Variants in ALG1L2 observed in about 807,000 individuals in gnomAD.
The protein encoded by ALG1L2 is ALG1 chitobiosyldiphosphodolichol beta-mannosyltransferase like 2.
Under a neutral mutation model 29.0 loss-of-function variants are expected in ALG1L2, and 32 were observed. That is an observed-to-expected ratio of 1.10 (90% CI 0.83 to 1.48). The LOEUF (loss-of-function observed/expected upper bound fraction) is 1.48. Ranked by LOEUF, ALG1L2 falls within the 40% of genes most tolerant of loss-of-function variation. The pLI, the probability that ALG1L2 is intolerant of heterozygous loss-of-function variation, is 0.00. For missense variants in ALG1L2, 318 were observed against 274.1 expected (o/e 1.16, Z -1.13); for synonymous variants, 110 against 109.5 (o/e 1.00, Z -0.03).
chr3:130,097,762 A>C (rs1231688775), intron 7 of ALG1L2, among the ~76,000 whole-genome samples: 1 of 152,228 alleles, frequency 6.6e-6, no homozygotes, highest in Non-Finnish European at 1.5e-5. Context: ...GTGTGAAAGT[A>C]GCCACAGATC....
intron 7 of ALG1L2, among the ~76,000 whole-genome samples, chr3:130,097,612 G>C (rs955487139): frequency 1.3e-5 from 2 of 152,196 alleles, no homozygotes; most frequent in Non-Finnish European, 2.9e-5. Context: ...TTCTGCAAAG[G>C]TTACTTGTTT....
chr3:130,096,192 G>A (rs2587972), intron 6 of ALG1L2, 29 bp downstream of exon 6: 13 of 1,606,486 alleles, frequency 8.1e-6, no homozygotes, highest in Admixed American at 5.1e-5. Context: ...TTTTTTCTGG[G>A]GATAGCTTCA....
Position 130,083,349 on chromosome 3 carries a change from C to A in ALG1L2, c.20+1313C>A, listed in dbSNP as rs536819968. ...ATCCCAGCTACTCAGGAGGCTAAGG[C>A]AGGAGAATGGTCTGAACCCGGGAGG... On this transcript the variant is annotated intron_variant, in intron 1 of 7. Transcript: ENST00000425059. Among the ~76,000 whole-genome samples, 8 of 129,572 alleles carry A rather than the reference C, an allele frequency of 6.2e-5. 1 individual carries two copies. Among genetic ancestry groups the A allele is most frequent in the Admixed American group, 4.1e-4 (5 of 12,208 alleles). 85.0% of individuals were successfully genotyped at this position (129,572 alleles called of 152,430 possible). A position where few individuals can be genotyped will look rare whatever the true frequency, so the allele number is the denominator to read the frequency against.
At position 130,097,207 on chromosome 3, in the gene ALG1L2, G is replaced by T. The variant is rs369951555; in HGVS notation, c.572G>T (p.Arg191Leu). 6.2e-7 allele frequency: 1 copy of T among 1,611,710 alleles called. No homozygotes were observed. The highest frequency in any genetic ancestry group is 2.2e-5 in the East Asian group (1 of 44,882). Residue 191 changes from arginine to leucine, a missense_variant, in exon 7 of 8, where the codon CGC (arginine) becomes CTC (leucine). Physicochemically the swap from Arg to Leu is moderately radical, Grantham distance 102. Transcript: ENST00000425059. ...GAGCTGGTGAAACATGAAGAAAACC[G>T]CCTGGTCTTTGAGGACTCAGAGGAA... ...LHELVKHEENRLVFEDSEELA... is the reference protein window; with the variant it reads ...LHELVKHEENLLVFEDSEELA...
At chr3:130,097,449 C>A (rs1010043598) in intron 7 of ALG1L2, among the ~76,000 whole-genome samples, 199 bp downstream of exon 7, 1 of 152,176 alleles carries the variant, frequency 6.6e-6, no homozygotes, top group Admixed American at 6.5e-5. Flanking sequence ...AAAGTTAGGA[C>A]ACAACCCCAC....
intron 1 of ALG1L2, chr3:130,090,845 G>T (rs1285977013): frequency 1.6e-5 from 3 of 190,606 alleles, no homozygotes; most frequent in African/African-American, 2.4e-5. Flanking sequence ...TTTGGGATTG[G>T]TTCTCAGGTG....
intron 1 of ALG1L2, among the ~76,000 whole-genome samples, chr3:130,088,713 C>T (rs887487684): frequency 3.3e-5 from 5 of 152,224 alleles, no homozygotes; most frequent in African/African-American, 1.2e-4. Context: ...TCACTGTTCC[C>T]TGCCTGATCT....
chr3:130,090,297 G>A (rs1439033388), intron 1 of ALG1L2, among the ~76,000 whole-genome samples: 2 of 152,312 alleles, frequency 1.3e-5, no homozygotes, highest in African/African-American at 2.4e-5. Context: ...CAAGGTCGCA[G>A]TGAGCTGAGA....
At chr3:130,096,213 G>T (rs764641607) in intron 6 of ALG1L2, 50 bp downstream of exon 6, 14 of 1,591,398 alleles carry the variant, frequency 8.8e-6, no homozygotes, top group South Asian at 1.1e-5. Flanking sequence ...CAGATCCACC[G>T]CTGAGGGGGA....
rs1430714973 is a variant in ALG1L2, at chr3:130,083,894, T to C, written c.20+1858T>C. ...CCATAAAATCAGCAAGGGTTGGTCG[T>C]GGGGATGTGGGGTACAGGAAGATAG... On this transcript the variant is annotated intron_variant, in intron 1 of 7. Coordinates refer to ENST00000425059, the MANE Select transcript of ALG1L2 (RefSeq NM_001136152.1). 3.3e-5 allele frequency among the ~76,000 whole-genome samples: 5 copies of C among 149,832 alleles called. 1 individual carries two copies. The highest frequency in any genetic ancestry group is 2.0e-4 in the Admixed American group (3 of 14,856).
intron 5 of ALG1L2, 60 bp downstream of exon 5, chr3:130,094,573 T>TTTAGGAGGGGGAAAAGGGGGG: frequency 3.0e-6 from 1 of 332,044 alleles, no homozygotes; most frequent in Non-Finnish European, 5.2e-6. Flanking sequence ...GGAACAGGGG[T>TTTAGGAGGGGGAAAAGGGGGG]GGGCGGGGTG....
intron 1 of ALG1L2, among the ~76,000 whole-genome samples, chr3:130,089,091 CT>C (rs1020216148): frequency 6.6e-6 from 1 of 152,214 alleles, no homozygotes; most frequent in Non-Finnish European, 1.5e-5. Context: ...CCTTGCACCC[CT>C]GGCCCTTCAT....
chr3:130,098,120 A>T (rs554913114), intron 7 of ALG1L2, 103 bp from the exon 8 acceptor site: 1 of 1,480,834 alleles, frequency 6.8e-7, no homozygotes, highest in Non-Finnish European at 9.2e-7. Context: ...TGAGGGAGCT[A>T]GGGACTTGGG....
At position 130,096,152 on chromosome 3, in the gene ALG1L2, G is replaced by T; in HGVS notation, c.528G>T (p.Val176=). ...GGTGCTGTTTGCCTGCGTGTGCCGT[G>T]AACTTCAAGTGGTAGGAGCAGAACC... The part of the protein sequence containing the change: ...MFRCCLPACA[V]NFKCLHELVK... Residue 176 remains valine (V), a synonymous_variant, in exon 6 of 8, where the codon GTG becomes GTT. Transcript: ENST00000425059. 1 of 1,611,908 alleles carries T rather than the reference G, an allele frequency of 6.2e-7. No homozygotes were observed. The highest frequency in any genetic ancestry group is 8.5e-7 in the Non-Finnish European group (1 of 1,179,816).
chr3:130,095,761 G>C (rs900532904), intron 5 of ALG1L2, among the ~76,000 whole-genome samples: 5 of 152,152 alleles, frequency 3.3e-5, no homozygotes, highest in Admixed American at 3.3e-4. Flanking sequence ...AATGAGCTGA[G>C]ATTGTGCCAC....
chr3:130,092,321 C>G, intron 3 of ALG1L2, 99 bp downstream of exon 3: 5 of 1,592,146 alleles, frequency 3.1e-6, no homozygotes, highest in Non-Finnish European at 4.3e-6. Context: ...CCAACCCCAC[C>G]ACGGTCTCAG....
chr3:130,097,058 C>G, intron 6 of ALG1L2, 117 bp from the exon 7 acceptor site: 10 of 1,513,718 alleles, frequency 6.6e-6, no homozygotes. Context: ...AAGCCACACA[C>G]CCTGTTCCAA....
intron 1 of ALG1L2, among the ~76,000 whole-genome samples, chr3:130,087,275 C>T (rs189513325): frequency 2.4e-4 from 36 of 150,516 alleles, no homozygotes; most frequent in African/African-American, 7.2e-4. Flanking sequence ...AGAATATCAC[C>T]GCCAAGAAAC....
Position 130,081,970 on chromosome 3 carries a change from A to G in ALG1L2, c.-47A>G. The G allele has an allele frequency of 3.5e-6, 5 of 1,439,124 alleles. No individual in the cohort carries two copies. The highest frequency in any genetic ancestry group is 4.8e-6 in the Non-Finnish European group (5 of 1,046,584). The allele number at this position is 1,439,124 out of a possible 1,614,324, so 89.1% of individuals were successfully genotyped here. ...GTGAGGCTGTCACAGAGGCTGGAGA[A>G]ATAAGCAGTTCCTTGCTAAGAAGTC... On this transcript the variant is annotated 5_prime_UTR_variant, in exon 1 of 8. Coordinates refer to ENST00000425059, the MANE Select transcript of ALG1L2 (RefSeq NM_001136152.1).
Sources: allele counts gnomAD v4.1 joint callset (sites outside exome capture counted in the v4.1 genomes callset), GRCh38; gene constraint gnomAD v4.1.1; transcripts MANE v1.5; gene names NCBI Gene and HGNC (gene_info 2026-07-23, HGNC 2026-07-21).